The following VPS13A variants were observed in gnomAD, a reference collection of about 807,000 sequenced individuals.
VPS13A encodes the protein vacuolar protein sorting 13 homolog A.
VPS13A carries 264 observed loss-of-function variants against 390.9 expected under a neutral mutation model. The ratio of observed to expected loss-of-function variants is 0.68; its 90% CI spans 0.61 to 0.75. The LOEUF (loss-of-function observed/expected upper bound fraction) is 0.75. Among genes scored for constraint, VPS13A ranks in the 30% least tolerant of loss-of-function variants. The probability of loss-of-function intolerance (pLI) is 0.00; values close to 1 mark genes in which losing one functional copy is unlikely to be tolerated. For synonymous variants in VPS13A, 1,231 were observed against 1,227.1 expected, an observed-to-expected ratio of 1.00 and a Z score of -0.07; for missense variants, 3,409 against 3,733.9, an observed-to-expected ratio of 0.91 and a Z score of 2.27.
At position 77,401,421 on chromosome 9, in the gene VPS13A, A is replaced by T. The variant is rs546413783; in HGVS notation, c.9190-1815A>T. ...AACATCTTTATTATGATAAATTTTT[A>T]TATCCAAGAATAAGATATGGATTTC... On this transcript the variant is annotated intron_variant, in intron 68 of 71. Transcript: ENST00000360280. 7.4e-4 allele frequency among the ~76,000 whole-genome samples: 113 copies of T among 151,978 alleles called. 1 individual carries two copies. Among genetic ancestry groups the T allele is most frequent in the African/African-American group, 2.6e-3 (108 of 41,448 alleles).
At chr9:77,180,721 G>A (rs904410833) in intron 1 of VPS13A, among the ~76,000 whole-genome samples, 8 of 151,876 alleles carry the variant, frequency 5.3e-5, no homozygotes, top group African/African-American at 1.9e-4. Flanking sequence ...TTTGCATTTC[G>A]TAAAAAAAAA....
chr9:77,247,873 G>A (rs1047502928), intron 20 of VPS13A, among the ~76,000 whole-genome samples: 3 of 152,104 alleles, frequency 2.0e-5, no homozygotes, highest in Non-Finnish European at 2.9e-5. Context: ...GTTGCAGACT[G>A]GTCTCGAATG....
intron 5 of VPS13A, among the ~76,000 whole-genome samples, chr9:77,208,563 T>C (rs1825804195): frequency 6.6e-6 from 1 of 152,168 alleles, no homozygotes; most frequent in South Asian, 2.1e-4. Context: ...TTTTTCTTTT[T>C]TTTTGAGACA....
Position 77,321,345 on chromosome 9 carries a change from A to C in VPS13A, c.5574+18A>C. 4.4e-6 allele frequency: 7 copies of C among 1,596,254 alleles called. No homozygotes were observed. Among genetic ancestry groups the C allele is most frequent in the Non-Finnish European group, 6.0e-6 (7 of 1,167,024 alleles). On this transcript the variant is annotated intron_variant, in intron 43 of 71. Coordinates refer to ENST00000360280, the MANE Select transcript of VPS13A (RefSeq NM_033305.3). Reference sequence around the variant, plus strand: ...TAGTCAAGGTAAGAAAAGAAATTTGAAACTTTAAATATTGAGATACTTGTC... The same window carrying C: ...TAGTCAAGGTAAGAAAAGAAATTTGCAACTTTAAATATTGAGATACTTGTC...
Position 77,201,406 on chromosome 9 carries a change from A to G in VPS13A, c.186A>G (p.Ile62Met), listed in dbSNP as rs764960108. 1.9e-6 allele frequency: 3 copies of G among 1,610,484 alleles called. No homozygotes were observed. In the Admixed American group the frequency reaches 5.0e-5, roughly 27 times the overall value. ...CATTTAAAGTTAAAGTTGGTCACAT[A>G]GGTAAGCCATATTCATTATTGGGAT... ...DVPFKVKVGH[I>M]GNLKLIIPWK... The change falls in exon 3 of 72, where the codon ATA becomes ATG. Residue 62 changes from isoleucine to methionine, a missense_variant and splice_region_variant. Ile to Met is a conservative substitution (Grantham distance 10, BLOSUM62 1). Transcript: ENST00000360280.
At chr9:77,297,873 A>C (rs1587521165) in intron 33 of VPS13A, among the ~76,000 whole-genome samples, 1 of 152,146 alleles carries the variant, frequency 6.6e-6, no homozygotes, top group East Asian at 1.9e-4. Flanking sequence ...AGACAAAACT[A>C]GAGGTTGGAA....
chr9:77,295,189 T>G (rs2131375370), intron 32 of VPS13A, among the ~76,000 whole-genome samples: 2 of 152,194 alleles, frequency 1.3e-5, no homozygotes, highest in South Asian at 4.1e-4. Flanking sequence ...TTTATTTATT[T>G]ACCTTACAAA....
chr9:77,344,199 A>G lies in VPS13A; in HGVS notation c.7073A>G (p.Gln2358Arg), dbSNP rs755875677. The G allele has an allele frequency of 6.2e-7, 1 of 1,612,278 alleles. No individual in the cohort carries two copies. Among genetic ancestry groups the G allele is most frequent in the Non-Finnish European group, 8.5e-7 (1 of 1,178,534 alleles). Residue 2358 changes from glutamine (Q) to arginine (R), a missense_variant, in exon 51 of 72, where the codon CAA (glutamine) becomes CGA (arginine). Around this residue, in one of 5 missense-constraint regions of VPS13A, gnomAD observed 2,717 missense variants for 2,917.4 expected, o/e 0.93. Transcript: ENST00000360280. Reference protein sequence around the residue: ...PEYASSKLLIQVERSEDPPKR... With the variant: ...PEYASSKLLIRVERSEDPPKR... ...TATGCTTCTAGTAAACTTCTTATTC[A>G]AGTCGAAAGGAGTGAAGATCCTCCC...
At position 77,192,499 on chromosome 9, in the gene VPS13A, T is replaced by G. The variant is rs145209714; in HGVS notation, c.101-7446T>G. The stretch of plus-strand genomic sequence containing the variant: ...GGTAATGGTCTTTCATTTCCATGGT[T>G]AGTACTCCCTTAAGGACCTCTTAAA... On this transcript the variant is annotated intron_variant, in intron 1 of 71. Coordinates refer to ENST00000360280, the MANE Select transcript of VPS13A (RefSeq NM_033305.3). 4.3e-3 allele frequency among the ~76,000 whole-genome samples: 651 copies of G among 152,330 alleles called. 4 individuals carry two copies. Among genetic ancestry groups the G allele is most frequent in the South Asian group, 0.01 (50 of 4,820 alleles).
intron 5 of VPS13A, 87 bp downstream of exon 5, chr9:77,206,166 A>G: frequency 1.1e-6 from 1 of 937,374 alleles, no homozygotes; most frequent in Non-Finnish European, 1.6e-6. Context: ...TTTTCTCTGG[A>G]GATGCTGAGA....
At chr9:77,374,331 T>G (rs12350273) in intron 67 of VPS13A, among the ~76,000 whole-genome samples, 32,539 of 152,070 alleles carry the variant, frequency 0.21, 3,759 homozygotes, top group African/African-American at 0.27. Context: ...AAGACAATTA[T>G]AACAATATAC....
At chr9:77,306,831 A>T (rs1323241221) in intron 34 of VPS13A, among the ~76,000 whole-genome samples, 2 of 152,060 alleles carry the variant, frequency 1.3e-5, no homozygotes, top group Non-Finnish European at 2.9e-5. Context: ...AAAATTAACC[A>T]TCACAGCTAT....
chr9:77,372,511 A>C (rs1003480426), intron 67 of VPS13A, among the ~76,000 whole-genome samples: 1 of 152,162 alleles, frequency 6.6e-6, no homozygotes, highest in African/African-American at 2.4e-5. Context: ...ATCTATGACA[A>C]ACCCACAGCC....
chr9:77,279,198 G>A (rs1262541799), intron 26 of VPS13A, among the ~76,000 whole-genome samples: 1 of 152,226 alleles, frequency 6.6e-6, no homozygotes, highest in Non-Finnish European at 1.5e-5. Flanking sequence ...GGAAGGATGA[G>A]TGCAAGGTTT....
At chr9:77,320,621 C>G (rs1346164555) in intron 42 of VPS13A, among the ~76,000 whole-genome samples, 3 of 151,946 alleles carry the variant, frequency 2.0e-5, no homozygotes, top group Non-Finnish European at 4.4e-5. Context: ...ATTTTATTTT[C>G]CAGATATTTT....
intron 23 of VPS13A, among the ~76,000 whole-genome samples, chr9:77,268,399 AG>A (rs1484827980): frequency 6.6e-6 from 1 of 151,984 alleles, no homozygotes. Context: ...TGGCTATGGG[AG>A]GGAGTTCCCT....
At chr9:77,280,113 A>C (rs1270907087) in intron 26 of VPS13A, 46 bp from the exon 27 acceptor site, 2 of 1,416,954 alleles carry the variant, frequency 1.4e-6, no homozygotes, top group Non-Finnish European at 2.0e-6. Flanking sequence ...ATTTATTTTC[A>C]GTTACCTTTC....
chr9:77,329,059 G>A (rs1230691492), intron 45 of VPS13A, among the ~76,000 whole-genome samples: 1 of 152,100 alleles, frequency 6.6e-6, no homozygotes, highest in East Asian at 1.9e-4. Flanking sequence ...TCACCATCAC[G>A]AGAACAGCAT....
intron 23 of VPS13A, among the ~76,000 whole-genome samples, chr9:77,272,027 G>A (rs932389756): frequency 2.7e-5 from 4 of 150,206 alleles, no homozygotes; most frequent in Non-Finnish European, 4.4e-5. Flanking sequence ...TATGTACTTC[G>A]TGTAGTAGAT....
Sources: gnomAD v4.1 joint callset for allele counts (sites outside exome capture counted in the v4.1 genomes callset) on GRCh38, gnomAD v4.1.1 for gene constraint, gnomAD v4.1.1 regional missense constraint, MANE v1.5 for transcripts, NCBI Gene and HGNC (gene_info 2026-07-23, HGNC 2026-07-21) for gene names.